The following SCFD2 variants were observed in gnomAD, a reference collection of about 807,000 sequenced individuals.
The protein encoded by SCFD2 is sec1 family domain containing 2.
SCFD2 carries 54 observed loss-of-function variants against 58.9 expected under a neutral mutation model. That is an observed-to-expected ratio of 0.92 (90% CI 0.74 to 1.15). SCFD2 has a LOEUF of 1.15. SCFD2 is among the 50% of genes most tolerant of loss of function. The probability of loss-of-function intolerance (pLI) is 0.00; values close to 1 mark genes in which losing one functional copy is unlikely to be tolerated. For synonymous variants in SCFD2, 321 were observed against 335.9 expected, an observed-to-expected ratio of 0.96 and a Z score of 0.49; for missense variants, 805 against 836.6, an observed-to-expected ratio of 0.96 and a Z score of 0.47.
At chr4:53,165,202 G>A (rs1726970370) in intron 4 of SCFD2, among the ~76,000 whole-genome samples, 1 of 152,228 alleles carries the variant, frequency 6.6e-6, no homozygotes, top group African/African-American at 2.4e-5. Flanking sequence ...TGGCACAAAG[G>A]TGAATTAGGC....
chr4:52,976,331 T>TA (rs923774802), intron 5 of SCFD2, among the ~76,000 whole-genome samples: 4 of 152,194 alleles, frequency 2.6e-5, no homozygotes, highest in Admixed American at 6.5e-5. Context: ...GTTACTTTGA[T>TA]AAAGGGAATT....
intron 2 of SCFD2, among the ~76,000 whole-genome samples, chr4:53,329,542 T>C (rs1733352039): frequency 6.7e-6 from 1 of 148,760 alleles, no homozygotes; most frequent in Non-Finnish European, 1.5e-5. Flanking sequence ...GTCCTGTCTG[T>C]TAGAAGGAAA....
intron 5 of SCFD2, among the ~76,000 whole-genome samples, chr4:52,961,275 T>C (rs530991831): frequency 2.5e-4 from 38 of 152,198 alleles, no homozygotes; most frequent in Admixed American, 2.4e-3. Flanking sequence ...TTCTCCTTTT[T>C]GGGGGGCTGC....
chr4:52,998,441 C>T (rs1721792820), intron 5 of SCFD2, among the ~76,000 whole-genome samples: 1 of 152,202 alleles, frequency 6.6e-6, no homozygotes, highest in African/African-American at 2.4e-5. Context: ...GCATATTCAG[C>T]CGTCAGAGTA....
chr4:53,119,487 A>C (rs1039720937), intron 5 of SCFD2, among the ~76,000 whole-genome samples: 12 of 152,172 alleles, frequency 7.9e-5, no homozygotes, highest in African/African-American at 2.9e-4. Context: ...TCAAAAAATA[A>C]ATAAATAAAA....
intron 5 of SCFD2, among the ~76,000 whole-genome samples, chr4:53,080,112 C>G (rs1055761559): frequency 2.6e-5 from 4 of 152,148 alleles, no homozygotes; most frequent in African/African-American, 9.7e-5. Flanking sequence ...AGTGTTCTAG[C>G]AACGAAACAT....
intron 5 of SCFD2, among the ~76,000 whole-genome samples, chr4:52,933,488 G>A (rs903871708): frequency 1.3e-5 from 2 of 152,190 alleles, no homozygotes; most frequent in African/African-American, 4.8e-5. Context: ...CAAGCCCACA[G>A]CTGTTTTCAT....
intron 4 of SCFD2, among the ~76,000 whole-genome samples, chr4:53,203,492 A>T (rs1317361092): frequency 6.6e-6 from 1 of 151,998 alleles, no homozygotes; most frequent in Non-Finnish European, 1.5e-5. Flanking sequence ...CCCTCAAAAA[A>T]CCCTACTAAA....
intron 5 of SCFD2, among the ~76,000 whole-genome samples, chr4:52,978,179 T>A (rs1344019978): frequency 7.9e-5 from 12 of 152,102 alleles, no homozygotes; most frequent in Non-Finnish European, 1.6e-4. Context: ...CAAACAGTCA[T>A]CATAAGTGAG....
intron 5 of SCFD2, chr4:52,950,301 T>C (rs780891697): frequency 5.9e-5 from 9 of 152,232 alleles, no homozygotes; most frequent in African/African-American, 9.6e-5. Flanking sequence ...ACTGGAAATA[T>C]GTCCCTTCGT....
At chr4:53,113,940 TTTA>T (rs1243889919) in intron 5 of SCFD2, among the ~76,000 whole-genome samples, 44 of 152,116 alleles carry the variant, frequency 2.9e-4, no homozygotes, top group South Asian at 6.2e-4. Flanking sequence ...TTCTCACTGT[TTTA>T]GTATAATTAT....
chr4:52,944,485 C>G (rs528307518), intron 5 of SCFD2, among the ~76,000 whole-genome samples: 2 of 152,258 alleles, frequency 1.3e-5, no homozygotes, highest in East Asian at 3.9e-4. Context: ...TAATAGCTAA[C>G]TATATTATTC....
intron 7 of SCFD2, among the ~76,000 whole-genome samples, chr4:52,891,853 C>T (rs1283600505): frequency 1.3e-5 from 2 of 152,344 alleles, no homozygotes; most frequent in South Asian, 4.1e-4. Context: ...CCCCTGCCCT[C>T]CACTTTCTAA....
At chr4:53,255,062 G>C (rs1217756783) in intron 4 of SCFD2, among the ~76,000 whole-genome samples, 6 of 150,416 alleles carry the variant, frequency 4.0e-5, no homozygotes, top group Non-Finnish European at 4.4e-5. Context: ...TAGTAGAGAC[G>C]GGGTTTCACT....
chr4:52,898,836 C>T (rs1719098751), intron 7 of SCFD2, among the ~76,000 whole-genome samples: 2 of 152,148 alleles, frequency 1.3e-5, no homozygotes, highest in African/African-American at 2.4e-5. Flanking sequence ...TCTGGGTGCT[C>T]CTGTATTGGG....
At chr4:53,035,714 CAT>C (rs1722741647) in intron 5 of SCFD2, among the ~76,000 whole-genome samples, 1 of 152,126 alleles carries the variant, frequency 6.6e-6, no homozygotes, top group Admixed American at 6.5e-5. Context: ...AGCCAACAGA[CAT>C]ATGAAAAAAT....
chr4:53,139,286 G>A (rs1362788960), intron 5 of SCFD2, among the ~76,000 whole-genome samples: 1 of 152,152 alleles, frequency 6.6e-6, no homozygotes, highest in Non-Finnish European at 1.5e-5. Flanking sequence ...CTGCCCGGCC[G>A]CCACCCCGCC....
intron 5 of SCFD2, among the ~76,000 whole-genome samples, chr4:53,019,357 TATAG>T (rs547101292): frequency 3.6e-4 from 55 of 152,306 alleles, no homozygotes; most frequent in African/African-American, 1.2e-3. Context: ...TATGTAGGTG[TATAG>T]ATAGATAGAT....
chr4:53,233,097 G>C (rs1372167074), intron 4 of SCFD2, among the ~76,000 whole-genome samples: 1 of 152,064 alleles, frequency 6.6e-6, no homozygotes, highest in Non-Finnish European at 1.5e-5. Flanking sequence ...AGGCACATTA[G>C]ACCTAAATGC....
Sources: gnomAD v4.1 joint callset for allele counts (sites outside exome capture counted in the v4.1 genomes callset) on GRCh38, gnomAD v4.1.1 for gene constraint, MANE v1.5 for transcripts, NCBI Gene and HGNC (gene_info 2026-07-23, HGNC 2026-07-21) for gene names.